Variants in SEC14L1 observed in about 807,000 individuals in gnomAD.
The protein encoded by SEC14L1 is SEC14-like protein 1.
A neutral mutation model predicts 85.3 loss-of-function variants in SEC14L1; 48 were observed. The observed-to-expected ratio is 0.56, with a 90% CI of 0.45 to 0.72. The LOEUF is 0.72. Ranked by LOEUF, SEC14L1 falls within the 30% of genes least tolerant of loss-of-function variation. SEC14L1 has a pLI of 0.00. For missense variants in SEC14L1, 682 were observed against 921.4 expected, an observed-to-expected ratio of 0.74 and a Z score of 3.36; for synonymous variants, 391 against 355.5, an observed-to-expected ratio of 1.10 and a Z score of -1.12.
At chr17:77,094,440 A>G (rs1310402757) in intron 3 of SEC14L1, 2 of 151,916 alleles carry the variant, frequency 1.3e-5, no homozygotes, top group Non-Finnish European at 2.9e-5. Context: ...AGCCGAGGTA[A>G]GACTTACTGT....
chr17:77,188,438 A>G (rs1466909642), intron 3 of SEC14L1, among the ~76,000 whole-genome samples: 1 of 147,542 alleles, frequency 6.8e-6, no homozygotes, highest in Non-Finnish European at 1.5e-5. Context: ...GCTTAGCATA[A>G]TTCTCCCACG....
At chr17:77,110,525 G>C (rs1468058205) in intron 3 of SEC14L1, among the ~76,000 whole-genome samples, 1 of 152,154 alleles carries the variant, frequency 6.6e-6, no homozygotes, top group East Asian at 1.9e-4. Flanking sequence ...TGGTGGTCAG[G>C]ACGCAGCTTG....
intron 3 of SEC14L1, among the ~76,000 whole-genome samples, chr17:77,175,494 A>C (rs1974713341): frequency 6.6e-6 from 1 of 152,256 alleles, no homozygotes; most frequent in Non-Finnish European, 1.5e-5. Context: ...TATGCAACCC[A>C]GATGTCCGTT....
At chr17:77,212,321 T>C (rs961140375) in intron 15 of SEC14L1, 120 bp downstream of exon 15, 6 of 1,405,406 alleles carry the variant, frequency 4.3e-6, no homozygotes, top group South Asian at 1.4e-5. Flanking sequence ...GAGGCCCTGC[T>C]TGTGGAGGAG....
At position 77,216,651 on chromosome 17, in the gene SEC14L1, C is replaced by T. The variant is rs1350728794; in HGVS notation, c.*2628C>T. On this transcript the variant is annotated 3_prime_UTR_variant, in exon 17 of 17. Coordinates refer to ENST00000436233, the MANE Select transcript of SEC14L1 (RefSeq NM_001143998.2). ...GTTTGAATTGCAGCCATCCCCTGCC[C>T]CCTCCCAGGCTGAAGATCTGTTCTT... is the stretch of plus-strand genomic sequence containing the variant. 1.3e-5 allele frequency: 21 copies of T among 1,607,074 alleles called. No individual in the cohort carries two copies. The highest frequency in any genetic ancestry group is 3.4e-5 in the Admixed American group (2 of 59,690).
intron 3 of SEC14L1, among the ~76,000 whole-genome samples, chr17:77,110,182 G>A (rs1972015812): frequency 6.6e-6 from 1 of 152,222 alleles, no homozygotes; most frequent in Non-Finnish European, 1.5e-5. Context: ...AGCTCTGAAA[G>A]GTGACTTTTC....
chr17:77,150,021 G>A (rs1186241074), intron 3 of SEC14L1, among the ~76,000 whole-genome samples: 7 of 152,222 alleles, frequency 4.6e-5, no homozygotes, highest in South Asian at 2.1e-4. Flanking sequence ...TGCTCCTTGC[G>A]GAGCAGGGCT....
chr17:77,126,020 G>A (rs1185199181), intron 3 of SEC14L1, among the ~76,000 whole-genome samples: 7 of 152,152 alleles, frequency 4.6e-5, no homozygotes, highest in African/African-American at 1.7e-4. Context: ...GTATGGTGGC[G>A]CATGCCTGTA....
At chr17:77,174,651 A>G (rs1024887095) in intron 3 of SEC14L1, among the ~76,000 whole-genome samples, 1 of 152,144 alleles carries the variant, frequency 6.6e-6, no homozygotes, top group African/African-American at 2.4e-5. Context: ...GGCCACCACA[A>G]CGAGGCAGTG....
Position 77,209,369 on chromosome 17 carries a change from C to T in SEC14L1, c.1504C>T (p.Pro502Ser). The T allele has an allele frequency of 1.9e-6, 3 of 1,614,038 alleles. No individual in the cohort carries two copies. Among genetic ancestry groups the T allele is most frequent in the Non-Finnish European group, 2.5e-6 (3 of 1,179,986 alleles). Residue 502 changes from proline to serine, a missense_variant, in exon 14 of 17, where the codon CCC becomes TCC. This residue lies in a region of SEC14L1 where 420 missense variants were observed against 619.5 expected (regional missense o/e 0.68). Transcript: ENST00000436233. The part of the protein sequence containing the change: ...MCEVPEGGLV[P>S]KSLYRTAEEL... Reference sequence around the variant, plus strand: ...CGAAGTGCCAGAGGGTGGACTGGTCCCCAAATCTCTGTACCGGACTGCAGA... The same window carrying T: ...CGAAGTGCCAGAGGGTGGACTGGTCTCCAAATCTCTGTACCGGACTGCAGA...
At chr17:77,200,737 C>T in intron 9 of SEC14L1, 64 bp downstream of exon 9, 2 of 1,503,868 alleles carry the variant, frequency 1.3e-6, no homozygotes, top group Non-Finnish European at 9.0e-7. Context: ...AGATATCTTC[C>T]AAGGCCTCCT....
At chr17:77,111,329 G>A (rs550411529) in intron 3 of SEC14L1, among the ~76,000 whole-genome samples, 8 of 152,112 alleles carry the variant, frequency 5.3e-5, no homozygotes, top group Non-Finnish European at 8.8e-5. Flanking sequence ...CTAAAGACGT[G>A]GGATTGATAG....
chr17:77,207,509 T>G (rs564995576), intron 13 of SEC14L1, among the ~76,000 whole-genome samples: 1 of 152,202 alleles, frequency 6.6e-6, no homozygotes, highest in East Asian at 1.9e-4. Context: ...TGGAGTGCAG[T>G]GGTGCAATCT....
At chr17:77,182,272 G>A (rs1368786770) in intron 3 of SEC14L1, among the ~76,000 whole-genome samples, 1 of 152,088 alleles carries the variant, frequency 6.6e-6, no homozygotes, top group Non-Finnish European at 1.5e-5. Context: ...ACAAAAATAT[G>A]GCTTTCTTTA....
chr17:77,207,254 GAC>G (rs1976510627), intron 13 of SEC14L1, among the ~76,000 whole-genome samples: 1 of 118,002 alleles, frequency 8.5e-6, no homozygotes, highest in South Asian at 3.3e-4. Flanking sequence ...TTTTTATGGA[GAC>G]AGGGTCCGGC....
At chr17:77,178,584 A>T (rs997844615) in intron 3 of SEC14L1, among the ~76,000 whole-genome samples, 1 of 152,152 alleles carries the variant, frequency 6.6e-6, no homozygotes, top group Non-Finnish European at 1.5e-5. Context: ...CAGTTGTTCC[A>T]CGGATTGTGG....
At chr17:77,202,544 G>A (rs1301220675) in intron 9 of SEC14L1, among the ~76,000 whole-genome samples, 4 of 151,974 alleles carry the variant, frequency 2.6e-5, no homozygotes, top group African/African-American at 9.7e-5. Context: ...GCTTGAACCT[G>A]GGAGGCGGAG....
intron 3 of SEC14L1, among the ~76,000 whole-genome samples, chr17:77,135,607 G>A (rs912549397): frequency 1.3e-5 from 2 of 151,926 alleles, no homozygotes; most frequent in African/African-American, 2.4e-5. Flanking sequence ...CACAATCAGG[G>A]CTCACTGCAC....
intron 3 of SEC14L1, among the ~76,000 whole-genome samples, chr17:77,157,816 A>C (rs1598316448): frequency 6.6e-6 from 1 of 151,700 alleles, no homozygotes; most frequent in Non-Finnish European, 1.5e-5. Context: ...ATGAGCCACC[A>C]TGCCTGGCCA....
Sources: gnomAD v4.1 joint callset for allele counts (sites outside exome capture counted in the v4.1 genomes callset) on GRCh38, gnomAD v4.1.1 for gene constraint, gnomAD v4.1.1 regional missense constraint, MANE v1.5 for transcripts, NCBI Gene and HGNC (gene_info 2026-07-23, HGNC 2026-07-21) for gene names.